Variants in NCAM1 observed in about 807,000 individuals in gnomAD.
NCAM1 encodes the protein antigen recognized by monoclonal antibody 5.1H11.
In NCAM1, 14 loss-of-function variants were observed where a neutral mutation model predicts 109.8. The observed-to-expected ratio is 0.13, with a 90% CI of 0.08 to 0.20. The LOEUF (loss-of-function observed/expected upper bound fraction) is 0.20. Ranked by LOEUF, NCAM1 falls within the 10% of genes least tolerant of loss-of-function variation. NCAM1 has a pLI of 1.00. For missense variants in NCAM1, 774 were observed against 1,109.9 expected, an observed-to-expected ratio of 0.70 and a Z score of 4.30; for synonymous variants, 418 against 442.9, an observed-to-expected ratio of 0.94 and a Z score of 0.70.
chr11:112,994,489 C>A (rs781977207), intron 1 of NCAM1, among the ~76,000 whole-genome samples: 7 of 152,142 alleles, frequency 4.6e-5, no homozygotes, highest in Non-Finnish European at 1.5e-5. Context: ...TATGTGGTGG[C>A]TCTTTTCAAT....
chr11:113,072,332 C>T (rs1384608688), intron 1 of NCAM1, among the ~76,000 whole-genome samples: 1 of 152,114 alleles, frequency 6.6e-6, no homozygotes, highest in African/African-American at 2.4e-5. Flanking sequence ...TTCAAATAAA[C>T]GATGTCATCA....
At chr11:113,007,269 A>T (rs929341446) in intron 1 of NCAM1, among the ~76,000 whole-genome samples, 15 of 152,074 alleles carry the variant, frequency 9.9e-5, no homozygotes, top group African/African-American at 3.6e-4. Flanking sequence ...CTCATGGCTC[A>T]TTGTAGCCTC....
intron 17 of NCAM1, chr11:113,264,302 T>A (rs782449167): frequency 2.0e-6 from 2 of 985,450 alleles, no homozygotes; most frequent in Non-Finnish European, 2.4e-6. Flanking sequence ...GGATTCCAAA[T>A]GATCCCATGC....
At chr11:113,016,717 G>T (rs567274056) in intron 1 of NCAM1, among the ~76,000 whole-genome samples, 1 of 152,292 alleles carries the variant, frequency 6.6e-6, no homozygotes, top group African/African-American at 2.4e-5. Flanking sequence ...GAAGGAGGGA[G>T]ACGGTGAGGA....
chr11:113,195,749 ACCTG>A (rs1943835728), intron 1 of NCAM1, among the ~76,000 whole-genome samples: 1 of 151,610 alleles, frequency 6.6e-6, no homozygotes, highest in Non-Finnish European at 1.5e-5. Context: ...CTTGTGATCC[ACCTG>A]CCTCTGCCTC....
chr11:113,054,475 G>T (rs566494536), intron 1 of NCAM1, among the ~76,000 whole-genome samples: 17 of 152,048 alleles, frequency 1.1e-4, no homozygotes, highest in Non-Finnish European at 2.5e-4. Flanking sequence ...GAATCCTCTG[G>T]GTGCAATTGA....
At chr11:113,222,348 C>T (rs186217417) in intron 9 of NCAM1, among the ~76,000 whole-genome samples, 3 of 152,332 alleles carry the variant, frequency 2.0e-5, no homozygotes, top group African/African-American at 7.2e-5. Context: ...CAAGGCTATA[C>T]ATATTTATAT....
intron 1 of NCAM1, among the ~76,000 whole-genome samples, chr11:112,970,325 G>T (rs916541155): frequency 6.6e-6 from 1 of 152,152 alleles, no homozygotes; most frequent in Non-Finnish European, 1.5e-5. Context: ...GTTCATTGCA[G>T]CACTAAAAGG....
intron 17 of NCAM1, chr11:113,265,192 T>A: frequency 1.0e-6 from 1 of 983,860 alleles, no homozygotes; most frequent in Non-Finnish European, 1.2e-6. Context: ...TAACAGTTCA[T>A]GTGAACTCAC....
intron 1 of NCAM1, among the ~76,000 whole-genome samples, chr11:113,167,500 C>T (rs1324349612): frequency 2.0e-5 from 3 of 150,416 alleles, no homozygotes; most frequent in East Asian, 2.0e-4. Flanking sequence ...GGCAGTTGGC[C>T]GCTGTTTCTG....
intron 1 of NCAM1, among the ~76,000 whole-genome samples, chr11:113,144,837 C>A (rs115265104): frequency 0.011 from 1,746 of 152,248 alleles, 33 homozygotes; most frequent in African/African-American, 0.039. Context: ...GAGCCTGGGG[C>A]ATAATAGGTG....
chr11:113,123,856 A>T (rs1250207983), intron 1 of NCAM1, among the ~76,000 whole-genome samples: 1 of 152,182 alleles, frequency 6.6e-6, no homozygotes, highest in African/African-American at 2.4e-5. Flanking sequence ...AAAGGGATGT[A>T]GACCCACTGG....
intron 1 of NCAM1, among the ~76,000 whole-genome samples, chr11:113,089,715 C>T (rs1939254043): frequency 6.6e-6 from 1 of 152,038 alleles, no homozygotes; most frequent in Non-Finnish European, 1.5e-5. Flanking sequence ...AGAAAAAGAA[C>T]AGAATGTTTT....
intron 1 of NCAM1, among the ~76,000 whole-genome samples, chr11:113,187,966 G>A (rs183831214): frequency 6.6e-6 from 1 of 152,236 alleles, no homozygotes; most frequent in Non-Finnish European, 1.5e-5. Context: ...AAGGCAGCTT[G>A]CCTTGTTATA....
intron 1 of NCAM1, among the ~76,000 whole-genome samples, chr11:113,033,806 A>G (rs1555078690): frequency 6.6e-6 from 1 of 152,218 alleles, no homozygotes; most frequent in Non-Finnish European, 1.5e-5. Flanking sequence ...TACTGAAGAC[A>G]TGACTAAGAC....
chr11:113,001,362 AT>A lies in NCAM1; in HGVS notation c.52+39699del, dbSNP rs146130992. ...GAGAACTGAGTTCTCCACTCAAATG[AT>A]GTGGAATTGTGGGTGTAGAACTCAA... is the stretch of plus-strand genomic sequence containing the variant. On this transcript the variant is annotated intron_variant, in intron 1 of 19. Coordinates refer to ENST00000316851, the MANE Select transcript of NCAM1 (RefSeq NM_181351.5). 7.4e-3 allele frequency among the ~76,000 whole-genome samples: 1,120 copies of A among 152,312 alleles called. 21 individuals are homozygous for A. The highest frequency in any genetic ancestry group is 0.026 in the African/African-American group (1,071 of 41,570).
intron 6 of NCAM1, 126 bp from the exon 7 acceptor site, chr11:113,207,706 TA>T: frequency 9.4e-7 from 1 of 1,063,100 alleles, no homozygotes; most frequent in Non-Finnish European, 1.4e-6. Context: ...CTTGGTGCCT[TA>T]ACTTTTTGTG....
intron 1 of NCAM1, among the ~76,000 whole-genome samples, chr11:113,129,470 C>A (rs1941310117): frequency 6.6e-6 from 1 of 151,942 alleles, no homozygotes; most frequent in Non-Finnish European, 1.5e-5. Flanking sequence ...TTTTTTTATG[C>A]CAGTAACAGT....
rs557948482 is a variant in NCAM1, at chr11:113,081,425, C to T, written c.52+119761C>T. Among the ~76,000 whole-genome samples the T allele has an allele frequency of 3.3e-5, 5 of 152,352 alleles. No homozygotes were observed. The South Asian group carries it at 1.0e-3, about 32-fold the overall frequency. On this transcript the variant is annotated intron_variant, in intron 1 of 19. Coordinates refer to ENST00000316851, the MANE Select transcript of NCAM1 (RefSeq NM_181351.5). ...AGGAGACACAGTCTTGCTGAATCCT[C>T]TACAACATGCTGGGCAGAAAGGCAC...
Sources: gnomAD v4.1 joint callset for allele counts (sites outside exome capture counted in the v4.1 genomes callset) on GRCh38, gnomAD v4.1.1 for gene constraint, MANE v1.5 for transcripts, NCBI Gene and HGNC (gene_info 2026-07-23, HGNC 2026-07-21) for gene names.